Variants in RASAL2 observed in about 807,000 individuals in gnomAD.
RASAL2 encodes the protein ras GTPase-activating protein nGAP.
RASAL2 carries 58 observed loss-of-function variants against 128.9 expected under a neutral mutation model. That is an observed-to-expected ratio of 0.45 (90% CI 0.36 to 0.56). The LOEUF (loss-of-function observed/expected upper bound fraction) is 0.56. Among genes scored for constraint, RASAL2 ranks in the 20% least tolerant of loss-of-function variants. The pLI is 0.00. For synonymous variants in RASAL2, 561 were observed against 580.8 expected (o/e 0.97, Z 0.49); for missense variants, 1,360 against 1,601.6 (o/e 0.85, Z 2.57).
intron 3 of RASAL2, among the ~76,000 whole-genome samples, chr1:178,375,838 T>G (rs1411805791): frequency 6.6e-6 from 1 of 152,106 alleles, no homozygotes; most frequent in Non-Finnish European, 1.5e-5. Flanking sequence ...GAGTTCTGTT[T>G]AGGTATTTTC....
At chr1:178,220,893 G>A (rs906726928) in intron 1 of RASAL2, among the ~76,000 whole-genome samples, 9 of 152,204 alleles carry the variant, frequency 5.9e-5, no homozygotes, top group African/African-American at 1.9e-4. Context: ...TCATGTGGAG[G>A]TTTTTGTGTG....
intron 1 of RASAL2, among the ~76,000 whole-genome samples, chr1:178,139,412 A>G (rs1235074163): frequency 1.3e-5 from 2 of 152,078 alleles, no homozygotes; most frequent in African/African-American, 4.8e-5. Context: ...TAAACTTTTT[A>G]CTTACCCTTT....
At chr1:178,264,947 A>G (rs977704561) in intron 1 of RASAL2, among the ~76,000 whole-genome samples, 1 of 152,210 alleles carries the variant, frequency 6.6e-6, no homozygotes, top group African/African-American at 2.4e-5. Flanking sequence ...ACTCATTAGT[A>G]TAAACTTAAG....
At chr1:178,174,576 G>A (rs571088640) in intron 1 of RASAL2, among the ~76,000 whole-genome samples, 14 of 152,236 alleles carry the variant, frequency 9.2e-5, no homozygotes, top group Admixed American at 3.3e-4. Context: ...GATAAAATGA[G>A]TTGCATAGGT....
rs547052338 is a variant in RASAL2, at chr1:178,454,942, A to G, written c.2211+294A>G. 1.3e-4 allele frequency among the ~76,000 whole-genome samples: 20 copies of G among 152,276 alleles called. No individual in the cohort carries two copies. In the East Asian group the frequency reaches 3.5e-3, roughly 26 times the overall value. On this transcript the variant is annotated intron_variant, in intron 12 of 17. Coordinates refer to ENST00000367649, the MANE Select transcript of RASAL2 (RefSeq NM_170692.4). ...TGAAAACTTGACTAGAAACTAATAT[A>G]TTGGTATATACAGCCTTATGCATGT... is the stretch of plus-strand genomic sequence containing the variant.
intron 1 of RASAL2, among the ~76,000 whole-genome samples, chr1:178,158,680 G>A (rs1383216472): frequency 6.6e-6 from 1 of 152,206 alleles, no homozygotes; most frequent in Non-Finnish European, 1.5e-5. Flanking sequence ...TATCATGGCA[G>A]TTTTCTTAAA....
At chr1:178,098,217 A>G (rs146698238) in intron 1 of RASAL2, among the ~76,000 whole-genome samples, 3 of 152,302 alleles carry the variant, frequency 2.0e-5, no homozygotes, top group African/African-American at 7.2e-5. Context: ...TACCTTGCTC[A>G]TAGTAAGTCA....
At chr1:178,147,227 G>A (rs1660761278) in intron 1 of RASAL2, among the ~76,000 whole-genome samples, 1 of 152,102 alleles carries the variant, frequency 6.6e-6, no homozygotes, top group South Asian at 2.1e-4. Context: ...GGTAGGTCAT[G>A]CCTATAATCC....
chr1:178,297,539 G>C (rs779899365), intron 2 of RASAL2, among the ~76,000 whole-genome samples: 3 of 149,564 alleles, frequency 2.0e-5, no homozygotes, highest in Admixed American at 1.3e-4. Context: ...CTTGGGAGGC[G>C]GAGGTTGCAG....
At chr1:178,115,139 A>G (rs1659481237) in intron 1 of RASAL2, among the ~76,000 whole-genome samples, 1 of 152,192 alleles carries the variant, frequency 6.6e-6, no homozygotes, top group Non-Finnish European at 1.5e-5. Context: ...TTGGAGGGTA[A>G]TTCACTTCAA....
chr1:178,460,752 T>C (rs1253284450), intron 14 of RASAL2, among the ~76,000 whole-genome samples: 1 of 150,180 alleles, frequency 6.7e-6, no homozygotes, highest in African/African-American at 2.4e-5. Flanking sequence ...CTCAAGTTTC[T>C]TTTTTTTTTC....
At chr1:178,244,261 G>C (rs1224294420) in intron 1 of RASAL2, among the ~76,000 whole-genome samples, 1 of 149,956 alleles carries the variant, frequency 6.7e-6, no homozygotes, top group South Asian at 2.1e-4. Flanking sequence ...TTTTCTTTTT[G>C]AGAAGGAGTC....
intron 1 of RASAL2, among the ~76,000 whole-genome samples, chr1:178,101,436 G>A (rs376312196): frequency 2.0e-5 from 3 of 152,154 alleles, no homozygotes; most frequent in African/African-American, 7.2e-5. Flanking sequence ...CTTCAACATT[G>A]CTCGAGTTCC....
intron 3 of RASAL2, among the ~76,000 whole-genome samples, chr1:178,307,296 A>C (rs574941367): frequency 6.6e-6 from 1 of 152,082 alleles, no homozygotes; most frequent in Non-Finnish European, 1.5e-5. Flanking sequence ...ATTTTTTTCC[A>C]CTGAAAATGA....
intron 1 of RASAL2, among the ~76,000 whole-genome samples, chr1:178,240,311 T>G (rs1266336104): frequency 6.6e-6 from 1 of 152,106 alleles, no homozygotes; most frequent in Non-Finnish European, 1.5e-5. Context: ...TGCTTTCCTG[T>G]TCATAGAATT....
intron 1 of RASAL2, among the ~76,000 whole-genome samples, chr1:178,241,378 C>T (rs1025321240): frequency 1.3e-5 from 2 of 152,112 alleles, no homozygotes; most frequent in Admixed American, 6.6e-5. Context: ...ATCTCTTTCA[C>T]GTGTGTTGCT....
intron 11 of RASAL2, among the ~76,000 whole-genome samples, chr1:178,452,875 CTG>C (rs1677483395): frequency 6.6e-6 from 1 of 152,010 alleles, no homozygotes; most frequent in South Asian, 2.1e-4. Flanking sequence ...GCACTACAAA[CTG>C]TTTACAAAAA....
chr1:178,178,801 A>C (rs1258101021), intron 1 of RASAL2, among the ~76,000 whole-genome samples: 2 of 152,184 alleles, frequency 1.3e-5, no homozygotes, highest in East Asian at 3.9e-4. Context: ...AATTGAGGAA[A>C]AGTATATGGA....
chr1:178,182,656 T>G (rs1662155267), intron 1 of RASAL2, among the ~76,000 whole-genome samples: 1 of 152,122 alleles, frequency 6.6e-6, no homozygotes, highest in Admixed American at 6.5e-5. Flanking sequence ...AAACTCCCAC[T>G]CCAACAATTC....
Sources: gnomAD v4.1 joint callset for allele counts (sites outside exome capture counted in the v4.1 genomes callset) on GRCh38, gnomAD v4.1.1 for gene constraint, MANE v1.5 for transcripts, NCBI Gene and HGNC (gene_info 2026-07-23, HGNC 2026-07-21) for gene names.